The following RSKR variants were observed in gnomAD, a reference collection of about 807,000 sequenced individuals.
The protein encoded by RSKR is ribosomal protein S6 kinase-related protein.
RSKR carries 44 observed loss-of-function variants against 56.8 expected under a neutral mutation model. That is an observed-to-expected ratio of 0.77 (90% confidence interval 0.61 to 1.00). The LOEUF (loss-of-function observed/expected upper bound fraction) is 1.00, where lower values mean the gene tolerates loss of function less well. Among genes scored for constraint, RSKR ranks in the 50% least tolerant of loss-of-function variants. RSKR has a pLI of 0.00. For synonymous variants in RSKR, 181 were observed against 188.0 expected (o/e 0.96, Z 0.30); for missense variants, 510 against 506.9 (o/e 1.01, Z -0.06).
chr17:28,612,807 A>G, intron 4 of RSKR, 120 bp from the exon 5 acceptor site: 1 of 934,644 alleles, frequency 1.1e-6, no homozygotes, highest in Non-Finnish European at 1.7e-6. Flanking sequence ...CTCTCAGTTC[A>G]GAGGAACTCA....
At chr17:28,612,986 G>T in intron 4 of RSKR, 92 bp downstream of exon 4, 2 of 1,347,108 alleles carry the variant, frequency 1.5e-6, no homozygotes. Flanking sequence ...GATGGATGAG[G>T]CAGAACCAGG....
intron 11 of RSKR, 108 bp from the exon 12 acceptor site, chr17:28,610,807 A>G: frequency 1.9e-6 from 2 of 1,052,344 alleles, no homozygotes; most frequent in South Asian, 3.3e-5. Context: ...GGTAGGAATA[A>G]GAACCCTGAA....
At chr17:28,613,970 C>T in intron 1 of RSKR, 117 bp downstream of exon 1, 1 of 1,367,872 alleles carries the variant, frequency 7.3e-7, no homozygotes, top group African/African-American at 1.4e-5. Flanking sequence ...TACAGCCTCC[C>T]TGCCCCACCC....
rs1321140066 is a variant in RSKR, at chr17:28,609,684, G to A, written c.*794C>T. ...CTCATGCCTGTGAAGGTTGCAGTGA[G>A]CTGAGATCGTGCCACTGCACTCCAA... On this transcript the variant is annotated 3_prime_UTR_variant, in exon 12 of 12. Coordinates refer to ENST00000301037, the MANE Select transcript of RSKR (RefSeq NM_001174103.2). 1 of 146,306 alleles carries A rather than the reference G, an allele frequency of 6.8e-6. No homozygotes were observed. Among genetic ancestry groups the A allele is most frequent in the Non-Finnish European group, 1.5e-5 (1 of 67,324 alleles). The allele number at this position is 146,306 out of a possible 1,614,324, so 9.1% of individuals were successfully genotyped here. A position where few individuals can be genotyped will look rare whatever the true frequency, so the allele number is the denominator to read the frequency against.
chr17:28,609,558 C>G lies in RSKR; in HGVS notation c.*920G>C, dbSNP rs1190326056. On this transcript the variant is annotated 3_prime_UTR_variant, in exon 12 of 12. Transcript: ENST00000301037. ...TTTTAAAAATTAGATTTATTGCAGA[C>G]TGGCCTCAAGCTCCCAGACTATATT... is the stretch of plus-strand genomic sequence containing the variant. The G allele has an allele frequency of 6.6e-6, 1 of 151,876 alleles. No individual in the cohort carries two copies. The highest frequency in any genetic ancestry group is 1.5e-5 in the Non-Finnish European group (1 of 68,002). The allele number at this position is 151,876 out of a possible 1,614,324, so 9.4% of individuals were successfully genotyped here. A position where few individuals can be genotyped will look rare whatever the true frequency, so the allele number is the denominator to read the frequency against.
rs1418016473 is a variant in RSKR at position 28,614,153 on chromosome 17, T to C, written c.9A>G (p.Ala3=). 6 of 1,613,420 alleles carry C rather than the reference T, an allele frequency of 3.7e-6. No individual in the cohort carries two copies. The African/African-American group carries it at 8.0e-5, about 22-fold the overall frequency. Residue 3 remains alanine (A), a synonymous_variant, in exon 1 of 12, where the codon GCA becomes GCG. Coordinates refer to ENST00000301037, the MANE Select transcript of RSKR (RefSeq NM_001174103.2). ...TGTGCTGCCCCTGCCGACAGCTTACTGCTCCCATTCCCAGCCTCTGCCTCC... is the reference window on the plus strand; with the variant it reads ...TGTGCTGCCCCTGCCGACAGCTTACCGCTCCCATTCCCAGCCTCTGCCTCC... The part of the protein sequence containing the change: MG[A]VSCRQGQHTQ...
rs1488073484 is a variant in RSKR at position 28,608,021 on chromosome 17, G to A, written c.*2457C>T. ...AACCTTATTACAAAAAGGCTTACAA[G>A]ATGCAGATATTATAGTAATATAAAA... is the stretch of plus-strand genomic sequence containing the variant. On this transcript the variant is annotated 3_prime_UTR_variant, in exon 12 of 12. Transcript: ENST00000301037. 1 of 152,096 alleles carries A rather than the reference G, an allele frequency of 6.6e-6. No individual in the cohort carries two copies. Among genetic ancestry groups the A allele is most frequent in the Non-Finnish European group, 1.5e-5 (1 of 68,026 alleles). 9.4% of individuals were successfully genotyped at this position (152,096 alleles called of 1,614,324 possible). A position where few individuals can be genotyped will look rare whatever the true frequency, so the allele number is the denominator to read the frequency against.
chr17:28,611,083 T>C (rs879522260), intron 11 of RSKR, 60 bp downstream of exon 11: 25 of 1,422,088 alleles, frequency 1.8e-5, no homozygotes, highest in Non-Finnish European at 2.3e-5. Context: ...ATCACTTTAA[T>C]GAAGGCAGGA....
rs2070795057 is a variant in RSKR, at chr17:28,610,380, A to G, written c.*98T>C. ...GAGAGCAGAACGGTAAGAGGCTACA[A>G]AATAAAAACAAACTGGATTATCAAG... On this transcript the variant is annotated 3_prime_UTR_variant, in exon 12 of 12. Coordinates refer to ENST00000301037, the MANE Select transcript of RSKR (RefSeq NM_001174103.2). 8.6e-7 allele frequency: 1 copy of G among 1,164,912 alleles called. No individual in the cohort carries two copies. The highest frequency in any genetic ancestry group is 1.5e-5 in the African/African-American group (1 of 64,972). 72.2% of individuals were successfully genotyped at this position (1,164,912 alleles called of 1,614,324 possible).
chr17:28,612,928 C>A, intron 4 of RSKR, 150 bp downstream of exon 4: 1 of 871,046 alleles, frequency 1.1e-6, no homozygotes, highest in South Asian at 1.5e-5. Flanking sequence ...GTGTTGAGAG[C>A]TGATACTTTT....
In RSKR at chr17:28,610,368, T is replaced by C. The variant is rs2070794960; in HGVS notation, c.*110A>G. 21 of 1,012,022 alleles carry C rather than the reference T, an allele frequency of 2.1e-5. No homozygotes were observed. The highest frequency in any genetic ancestry group is 2.9e-5 in the Non-Finnish European group (20 of 692,966). 62.7% of individuals were successfully genotyped at this position (1,012,022 alleles called of 1,614,324 possible). On this transcript the variant is annotated 3_prime_UTR_variant, in exon 12 of 12. Coordinates refer to ENST00000301037, the MANE Select transcript of RSKR (RefSeq NM_001174103.2). ...TCTAAAGCCTAGGAGAGCAGAACGGTAAGAGGCTACAAAATAAAAACAAAC... is the reference window on the plus strand; with the variant it reads ...TCTAAAGCCTAGGAGAGCAGAACGGCAAGAGGCTACAAAATAAAAACAAAC...
At chr17:28,612,182 T>C in intron 6 of RSKR, 80 bp downstream of exon 6, 1 of 1,581,300 alleles carries the variant, frequency 6.3e-7, no homozygotes, top group Non-Finnish European at 8.7e-7. Context: ...TTAACTTCCA[T>C]TATTAATATT....
chr17:28,613,070 G>T lies in RSKR; in HGVS notation c.477+8C>A. 6.2e-7 allele frequency: 1 copy of T among 1,613,858 alleles called. No individual in the cohort carries two copies. The highest frequency in any genetic ancestry group is 8.5e-7 in the Non-Finnish European group (1 of 1,179,820). ...TTCCCACAATCCTTTCCAGGACTCT[G>T]TGCATACCTGGATGCTAACCTCCTC... On this transcript the variant is annotated splice_region_variant and intron_variant, in intron 4 of 11. Transcript: ENST00000301037.
chr17:28,611,115 C>G lies in RSKR; in HGVS notation c.1011+28G>C, dbSNP rs1262674263. The G allele has an allele frequency of 2.6e-6, 4 of 1,510,494 alleles. No individual in the cohort carries two copies. The Admixed American group carries it at 7.9e-5, about 30-fold the overall frequency. 93.6% of individuals were successfully genotyped at this position (1,510,494 alleles called of 1,614,324 possible). On this transcript the variant is annotated intron_variant, in intron 11 of 11. Coordinates refer to ENST00000301037, the MANE Select transcript of RSKR (RefSeq NM_001174103.2). ...AGGAGAGCATTAATGGTTTCGTAGCCAAGAAGGAAAGCAGTGCTCATCCTT... is the reference window on the plus strand; with the variant it reads ...AGGAGAGCATTAATGGTTTCGTAGCGAAGAAGGAAAGCAGTGCTCATCCTT...
At position 28,613,620 on chromosome 17, in the gene RSKR, G is replaced by A; in HGVS notation, c.144C>T (p.Ile48=). The A allele has an allele frequency of 6.2e-7, 1 of 1,614,148 alleles. No homozygotes were observed. Among genetic ancestry groups the A allele is most frequent in the South Asian group, 1.1e-5 (1 of 91,088 alleles). ...CCCAGAGTTCTTCCAGATCTGACCT[G>A]ATGGTTCCCAAACCTGTCCAGAGGC... is the stretch of plus-strand genomic sequence containing the variant. ...WKSLWTGLGT[I]RSDLEELWEL... Residue 48 remains isoleucine, a synonymous_variant, in exon 2 of 12, where the codon ATC becomes ATT. Transcript: ENST00000301037.
chr17:28,611,174 A>AC lies in RSKR; in HGVS notation c.979_980insG (p.Leu327ArgfsTer2), dbSNP rs1407940158. 1 of 1,536,316 alleles carries AC rather than the reference A, an allele frequency of 6.5e-7. No individual in the cohort carries two copies. Among genetic ancestry groups the AC allele is most frequent in the Non-Finnish European group, 8.7e-7 (1 of 1,146,882 alleles). On this transcript the variant is annotated frameshift_variant, in exon 11 of 12. Coordinates refer to ENST00000301037, the MANE Select transcript of RSKR (RefSeq NM_001174103.2). LOFTEE classifies it high-confidence loss of function. ...GAGCAGGAGTGAGAGGCCCTGGTTA[A>AC]GAGAAGCTGGGATCTCAGAGTCACT... is the stretch of plus-strand genomic sequence containing the variant.
rs907354434 is a variant in RSKR, at chr17:28,610,548, G to A, written c.1163C>T (p.Ala388Val). The stretch of plus-strand genomic sequence containing the variant: ...AAAGTCGTCAAAGGGCATGGTCTCC[G>A]CTGAACTGGGCTGGGTAGCTTGTGT... ...TETQATQPSS[A>V]ETMPFDDFDC... Residue 388 changes from alanine (A) to valine (V), a missense_variant, in exon 12 of 12, where the codon GCG becomes GTG. Transcript: ENST00000301037. The A allele has an allele frequency of 2.0e-5, 30 of 1,535,896 alleles. No homozygotes were observed. The highest frequency in any genetic ancestry group is 2.4e-5 in the East Asian group (1 of 40,906).
Position 28,613,088 on chromosome 17 carries a change from ACCT to A in RSKR, c.464_466del (p.Glu155del), listed in dbSNP as rs1314333967. 6.2e-7 allele frequency: 1 copy of A among 1,613,956 alleles called. No individual in the cohort carries two copies. Among genetic ancestry groups the A allele is most frequent in the African/African-American group, 1.3e-5 (1 of 74,906 alleles). The stretch of plus-strand genomic sequence containing the variant: ...GGACTCTGTGCATACCTGGATGCTA[ACCT>A]CCTCTTTGCACTGCCTCACGGTATC... On this transcript the variant is annotated inframe_deletion, in exon 4 of 12. Transcript: ENST00000301037.
rs1373828014 is a variant in RSKR at position 28,611,179 on chromosome 17, A to C, written c.975T>G (p.Ala325=). Residue 325 remains alanine, a synonymous_variant, in exon 11 of 12, where the codon GCT becomes GCG. Transcript: ENST00000301037. ...GGAGTGAGAGGCCCTGGTTAAGAGA[A>C]GCTGGGATCTCAGAGTCACTGTGGG... ...SVTHSDSEIP[A]SLNQGLSLLL... is the part of the protein sequence containing the mutation. 4 of 1,536,318 alleles carry C rather than the reference A, an allele frequency of 2.6e-6. No individual in the cohort carries two copies. The highest frequency in any genetic ancestry group is 3.5e-6 in the Non-Finnish European group (4 of 1,146,892).
Sources: allele counts gnomAD v4.1 joint callset, GRCh38; gene constraint gnomAD v4.1.1; transcripts MANE v1.5; gene names NCBI Gene and HGNC (gene_info 2026-07-23, HGNC 2026-07-21).